Variants in ATXN7L3 observed in about 807,000 individuals in gnomAD.
ATXN7L3 encodes ataxin-7-like protein 3.
A neutral mutation model predicts 50.0 loss-of-function variants in ATXN7L3; 6 were observed. The observed-to-expected ratio is 0.12, with a 90% confidence interval of 0.07 to 0.24. The LOEUF (loss-of-function observed/expected upper bound fraction) is 0.24, where lower values mean the gene tolerates loss of function less well. Ranked by LOEUF, ATXN7L3 falls within the 10% of genes least tolerant of loss-of-function variation. The pLI, the probability that ATXN7L3 is intolerant of heterozygous loss-of-function variation, is 1.00. For synonymous variants in ATXN7L3, 198 were observed against 165.8 expected (o/e 1.19, Z -1.49); for missense variants, 322 against 451.3 (o/e 0.71, Z 2.60).
chr17:44,195,315 T>TAA, intron 9 of ATXN7L3, 104 bp downstream of exon 9: 1 of 1,393,332 alleles, frequency 7.2e-7, no homozygotes, highest in Non-Finnish European at 1.0e-6. Context: ...GAGAGAACGA[T>TAA]ACGGCCCTGA....
chr17:44,197,204 A>G, intron 4 of ATXN7L3, 24 bp downstream of exon 4: 1 of 1,579,466 alleles, frequency 6.3e-7, no homozygotes, highest in Non-Finnish European at 8.6e-7. Flanking sequence ...GGCTGCAGAG[A>G]ACGGGCAGCT....
intron 2 of ATXN7L3, 102 bp from the exon 3 acceptor site, chr17:44,197,832 T>G (rs2055971200): frequency 1.9e-6 from 3 of 1,566,270 alleles, no homozygotes; most frequent in Non-Finnish European, 2.6e-6. Context: ...AAATCATGCT[T>G]TCTTTGCCAT....
chr17:44,197,985 G>A, intron 2 of ATXN7L3, 35 bp downstream of exon 2: 1 of 1,605,484 alleles, frequency 6.2e-7, no homozygotes, highest in Admixed American at 1.7e-5. Context: ...GACATCAAGA[G>A]AAAGAACTGG....
At chr17:44,196,240 T>TCCCCCCCCCCCCCCCCCCCCCCC (rs2055885330) in intron 6 of ATXN7L3, 156 bp downstream of exon 6, 4 of 366,194 alleles carry the variant, frequency 1.1e-5, no homozygotes, top group African/African-American at 8.6e-5. Context: ...CCACCCCCCT[T>TCCCCCCCCCCCCCCCCCCCCCCC]CCCCACCCAC....
chr17:44,198,371 G>A lies in ATXN7L3; in HGVS notation c.-60-241C>T, dbSNP rs538260931. 1.1e-3 allele frequency: 435 copies of A among 387,980 alleles called. 2 individuals are homozygous for A. The highest frequency in any genetic ancestry group is 6.0e-3 in the Middle Eastern group (9 of 1,498). 24.0% of individuals were successfully genotyped at this position (387,980 alleles called of 1,614,324 possible). A position where few individuals can be genotyped will look rare whatever the true frequency, so the allele number is the denominator to read the frequency against. On this transcript the variant is annotated intron_variant, in intron 1 of 12. Coordinates refer to ENST00000587097, the MANE Select transcript of ATXN7L3 (RefSeq NM_001382309.1). ...TGCCAATCAGAGTCTGGGTCTATAG[G>A]AGGCAGCAGCTCACCCTAGGTCCCC... is the stretch of plus-strand genomic sequence containing the variant.
chr17:44,193,231 G>C lies in ATXN7L3; in HGVS notation c.*1032C>G, dbSNP rs1042123477. On this transcript the variant is annotated 3_prime_UTR_variant, in exon 13 of 13. Coordinates refer to ENST00000587097, the MANE Select transcript of ATXN7L3 (RefSeq NM_001382309.1). ...AATAACTTAAAAGCGCTAAGGAAGG[G>C]AAACAGGGCACGCTTTGGAGGCAGG... is the stretch of plus-strand genomic sequence containing the variant. 6.6e-6 allele frequency: 1 copy of C among 152,164 alleles called. No individual in the cohort carries two copies. Among genetic ancestry groups the C allele is most frequent in the Admixed American group, 6.6e-5 (1 of 15,264 alleles). 9.4% of individuals were successfully genotyped at this position (152,164 alleles called of 1,614,324 possible).
rs1054105108 is a variant in ATXN7L3, at chr17:44,192,102, C to G, written c.*2161G>C. 1.3e-5 allele frequency: 2 copies of G among 152,426 alleles called. No individual in the cohort carries two copies. The highest frequency in any genetic ancestry group is 2.9e-5 in the Non-Finnish European group (2 of 68,080). 9.4% of individuals were successfully genotyped at this position (152,426 alleles called of 1,614,324 possible). ...ACTCAGACACAGGATACAGGGTGGA[C>G]GACACCTAGCCGGGGTGGGAAGGAT... is the stretch of plus-strand genomic sequence containing the variant. On this transcript the variant is annotated 3_prime_UTR_variant, in exon 13 of 13. Transcript: ENST00000587097.
chr17:44,196,240 T>TGCC, intron 6 of ATXN7L3, 156 bp downstream of exon 6: 1 of 366,834 alleles, frequency 2.7e-6, no homozygotes, highest in Non-Finnish European at 4.7e-6. Flanking sequence ...CCACCCCCCT[T>TGCC]CCCCACCCAC....
At chr17:44,195,192 T>A in intron 9 of ATXN7L3, 52 bp from the exon 10 acceptor site, 1 of 1,571,404 alleles carries the variant, frequency 6.4e-7, no homozygotes, top group South Asian at 1.1e-5. Context: ...CTACTCTAGA[T>A]GTTAGATGTT....
rs2055790238 is a variant in ATXN7L3, at chr17:44,194,026, A to G, written c.*237T>C. ...AATAGGAAAACCGCCTCCCCACCAA[A>G]CTTATGTCCAAGGCATAATATGTCC... On this transcript the variant is annotated 3_prime_UTR_variant, in exon 13 of 13. Transcript: ENST00000587097. 3.7e-6 allele frequency: 2 copies of G among 534,960 alleles called. No individual in the cohort carries two copies. The highest frequency in any genetic ancestry group is 6.5e-6 in the Non-Finnish European group (2 of 306,690). 33.1% of individuals were successfully genotyped at this position (534,960 alleles called of 1,614,324 possible). A position where few individuals can be genotyped will look rare whatever the true frequency, so the allele number is the denominator to read the frequency against.
At position 44,194,132 on chromosome 17, in the gene ATXN7L3, T is replaced by C; in HGVS notation, c.*131A>G. On this transcript the variant is annotated 3_prime_UTR_variant, in exon 13 of 13. Coordinates refer to ENST00000587097, the MANE Select transcript of ATXN7L3 (RefSeq NM_001382309.1). ...CCCCCAGGGGCGCATAATCGGATCC[T>C]CTGCCTGCCTGGCCCACCAAGCTTC... 2 of 1,278,386 alleles carry C rather than the reference T, an allele frequency of 1.6e-6. No homozygotes were observed. The highest frequency in any genetic ancestry group is 1.1e-6 in the Non-Finnish European group (1 of 926,198). 79.2% of individuals were successfully genotyped at this position (1,278,386 alleles called of 1,614,324 possible).
intron 7 of ATXN7L3, 76 bp from the exon 8 acceptor site, chr17:44,195,904 G>A (rs962701435): frequency 2.5e-6 from 4 of 1,572,796 alleles, no homozygotes; most frequent in Non-Finnish European, 2.6e-6. Context: ...AACCAGAGAG[G>A]AAGTGGGGGT....
Position 44,194,559 on chromosome 17 carries a change from A to T in ATXN7L3, c.853T>A (p.Ser285Thr). 1 of 1,613,776 alleles carries T rather than the reference A, an allele frequency of 6.2e-7. No individual in the cohort carries two copies. The highest frequency in any genetic ancestry group is 8.5e-7 in the Non-Finnish European group (1 of 1,179,960). Reference sequence around the variant, plus strand: ...TTTTCACTCGTCTTGGAGGAGCCTGAATCAGAGGGTGAGAGGTCAGAGGAG... The same window carrying T: ...TTTTCACTCGTCTTGGAGGAGCCTGTATCAGAGGGTGAGAGGTCAGAGGAG... Reference protein sequence around the residue: ...DGSSDLSPSDSGSSKTSENQG... With the variant: ...DGSSDLSPSDTGSSKTSENQG... Residue 285 changes from serine to threonine, a missense_variant, in exon 12 of 13, where the codon TCA becomes ACA. This residue lies in a region of ATXN7L3 where 122 missense variants were observed against 130.8 expected (regional missense o/e 0.93). Coordinates refer to ENST00000587097, the MANE Select transcript of ATXN7L3 (RefSeq NM_001382309.1).
intron 4 of ATXN7L3, 80 bp from the exon 5 acceptor site, chr17:44,197,106 A>C (rs1316948723): frequency 3.2e-6 from 5 of 1,550,878 alleles, no homozygotes; most frequent in Non-Finnish European, 4.4e-6. Context: ...TCTGCCCCCA[A>C]CTTCAGAAGC....
chr17:44,195,474 G>C lies in ATXN7L3; in HGVS notation c.566C>G (p.Thr189Ser). ...NSDPFKYNNS[T>S]GISYETLGPE... ...CCCCAGGGTCTCATAGCTGATCCCA[G>C]TTGAATTGTTATACTGCAGGACAAC... Residue 189 changes from threonine to serine, a missense_variant, in exon 9 of 13, where the codon ACT becomes AGT. Coordinates refer to ENST00000587097, the MANE Select transcript of ATXN7L3 (RefSeq NM_001382309.1). The C allele has an allele frequency of 6.2e-7, 1 of 1,614,080 alleles. No homozygotes were observed. Among genetic ancestry groups the C allele is most frequent in the Non-Finnish European group, 8.5e-7 (1 of 1,179,954 alleles).
chr17:44,196,225 C>G, intron 6 of ATXN7L3, 146 bp from the exon 7 acceptor site: 1 of 859,150 alleles, frequency 1.2e-6, no homozygotes, highest in Non-Finnish European at 1.8e-6. Flanking sequence ...CCCATGTGCC[C>G]TCCCCCACCC....
In ATXN7L3 at chr17:44,195,478, A is replaced by C. The variant is rs2055849453; in HGVS notation, c.562T>G (p.Ser188Ala). 6.2e-7 allele frequency: 1 copy of C among 1,613,856 alleles called. No individual in the cohort carries two copies. Among genetic ancestry groups the C allele is most frequent in the Non-Finnish European group, 8.5e-7 (1 of 1,179,908 alleles). Residue 188 changes from serine (S) to alanine (A), a missense_variant, in exon 9 of 13, where the codon TCA becomes GCA. By Grantham distance (99) the Ser-to-Ala change is moderately conservative. Coordinates refer to ENST00000587097, the MANE Select transcript of ATXN7L3 (RefSeq NM_001382309.1). ...AGGGTCTCATAGCTGATCCCAGTTG[A>C]ATTGTTATACTGCAGGACAACCAGA... ...SNSDPFKYNN[S>A]TGISYETLGP...
chr17:44,197,558 G>C, intron 3 of ATXN7L3, 40 bp downstream of exon 3: 1 of 1,613,560 alleles, frequency 6.2e-7, no homozygotes, highest in South Asian at 1.1e-5. Context: ...GGCAGTCCCA[G>C]GGAAGGGCTG....
Position 44,194,097 on chromosome 17 carries a change from A to G in ATXN7L3, c.*166T>C. The G allele has an allele frequency of 1.2e-6, 1 of 837,584 alleles. No individual in the cohort carries two copies. Among genetic ancestry groups the G allele is most frequent in the Non-Finnish European group, 1.9e-6 (1 of 536,128 alleles). The allele number at this position is 837,584 out of a possible 1,614,324, so 51.9% of individuals were successfully genotyped here. ...GAGGAGTCGTGCTCCATTGCAGAGG[A>G]CTTTGACACCCCCCAGGGGCGCATA... On this transcript the variant is annotated 3_prime_UTR_variant, in exon 13 of 13. Transcript: ENST00000587097.
Sources: gnomAD v4.1 joint callset for allele counts on GRCh38, gnomAD v4.1.1 for gene constraint, gnomAD v4.1.1 regional missense constraint, MANE v1.5 for transcripts, NCBI Gene and HGNC (gene_info 2026-07-23, HGNC 2026-07-21) for gene names.